Variants in SLC71A1 observed in about 807,000 individuals in gnomAD.
The protein encoded by SLC71A1 is solute carrier family 71 member 1.
chr1:100,069,404 T>C, the SLC71A1 span, among the ~76,000 whole-genome samples: 1,086 of 152,358 alleles, frequency 7.1e-3, 12 homozygotes, highest in African/African-American at 0.025. Context: ...CAATTTAGTA[T>C]ATCCACATTG....
the SLC71A1 span, among the ~76,000 whole-genome samples, chr1:100,044,884 C>T: frequency 1.3e-5 from 2 of 152,158 alleles, no homozygotes; most frequent in Non-Finnish European, 2.9e-5. Context: ...TATACCAGTA[C>T]CATGCGGTTT....
the SLC71A1 span, chr1:100,067,869 G>T: frequency 1.2e-6 from 1 of 823,706 alleles, no homozygotes; most frequent in East Asian, 2.5e-5. Context: ...AGAAAAGGGA[G>T]GGTGTGCAAC....
At chr1:100,049,196 A>T in the SLC71A1 span, among the ~76,000 whole-genome samples, 1 of 152,132 alleles carries the variant, frequency 6.6e-6, no homozygotes, top group East Asian at 1.9e-4. Flanking sequence ...GTATAAACTT[A>T]ATTTTGTATT....
the SLC71A1 span, among the ~76,000 whole-genome samples, chr1:100,039,323 G>A: frequency 4.6e-5 from 7 of 152,076 alleles, no homozygotes; most frequent in East Asian, 1.9e-4. Flanking sequence ...TATTGGAGCC[G>A]CGATCAACTG....
the SLC71A1 span, chr1:100,080,752 C>T: frequency 9.2e-7 from 1 of 1,082,906 alleles, no homozygotes; most frequent in South Asian, 1.7e-5. Flanking sequence ...ATGTGAGATT[C>T]TATTTGAGAT....
chr1:100,067,933 A>G, the SLC71A1 span: 1 of 1,534,760 alleles, frequency 6.5e-7, no homozygotes, highest in Admixed American at 1.7e-5. Context: ...TGTTGAGGAA[A>G]AAAGTAGCCT....
chr1:100,040,893 C>T, the SLC71A1 span, among the ~76,000 whole-genome samples: 1 of 152,086 alleles, frequency 6.6e-6, no homozygotes, highest in South Asian at 2.1e-4. Context: ...TTATAAAGTT[C>T]CGCCAATGGG....
the SLC71A1 span, among the ~76,000 whole-genome samples, chr1:100,081,677 G>A: frequency 2.0e-5 from 3 of 152,140 alleles, no homozygotes; most frequent in African/African-American, 7.2e-5. Flanking sequence ...CGTGCAGCCT[G>A]ATTTTATTTT....
chr1:100,055,777 G>A, the SLC71A1 span, among the ~76,000 whole-genome samples: 2 of 151,486 alleles, frequency 1.3e-5, no homozygotes, highest in Non-Finnish European at 2.9e-5. Context: ...TTTTTGAGAC[G>A]GAGTCTTGCT....
At chr1:100,055,981 G>A in the SLC71A1 span, among the ~76,000 whole-genome samples, 4 of 151,998 alleles carry the variant, frequency 2.6e-5, no homozygotes, top group Non-Finnish European at 5.9e-5. Flanking sequence ...TCAATCTCTT[G>A]ACCTTGTGCT....
chr1:100,057,329 C>T, the SLC71A1 span, among the ~76,000 whole-genome samples: 7 of 149,788 alleles, frequency 4.7e-5, no homozygotes, highest in South Asian at 4.3e-4. Flanking sequence ...ATACAGTCTG[C>T]GACTGTTTTT....
the SLC71A1 span, among the ~76,000 whole-genome samples, chr1:100,039,211 G>A: frequency 6.6e-6 from 1 of 152,130 alleles, no homozygotes; most frequent in Non-Finnish European, 1.5e-5. Flanking sequence ...TGTTGCATCC[G>A]CTGATACCGC....
At chr1:100,061,978 A>G in the SLC71A1 span, 1 of 1,278,210 alleles carries the variant, frequency 7.8e-7, no homozygotes, top group Non-Finnish European at 1.1e-6. Context: ...TACCTTTTGT[A>G]TCTGCTGAGA....
the SLC71A1 span, among the ~76,000 whole-genome samples, chr1:100,063,415 G>A: frequency 6.6e-6 from 1 of 152,152 alleles, no homozygotes; most frequent in African/African-American, 2.4e-5. Context: ...AAGGCAGGGG[G>A]ATTGCTTGAG....
At chr1:100,083,327 A>AAAT in the SLC71A1 span, 1 of 152,548 alleles carries the variant, frequency 6.6e-6, no homozygotes, top group South Asian at 2.1e-4. Context: ...AAAGAAATGT[A>AAAT]AATATTCTGT....
chr1:100,052,837 G>A, the SLC71A1 span, among the ~76,000 whole-genome samples: 44 of 151,376 alleles, frequency 2.9e-4, no homozygotes, highest in Non-Finnish European at 5.9e-4. Flanking sequence ...AGGCTGGAGT[G>A]CAGTGGTGCA....
the SLC71A1 span, chr1:100,059,802 A>G: frequency 1.5e-6 from 2 of 1,316,008 alleles, no homozygotes; most frequent in African/African-American, 1.5e-5. Flanking sequence ...AAATTTTTCT[A>G]TAGGAGTAAA....
At chr1:100,070,148 A>G in the SLC71A1 span, among the ~76,000 whole-genome samples, 4 of 152,206 alleles carry the variant, frequency 2.6e-5, no homozygotes, top group Non-Finnish European at 5.9e-5. Flanking sequence ...AGAAAAAGCT[A>G]AGGGTCATAT....
the SLC71A1 span, among the ~76,000 whole-genome samples, chr1:100,047,515 C>T: frequency 3.9e-5 from 6 of 152,314 alleles, no homozygotes; most frequent in Admixed American, 2.0e-4. Context: ...TTCCGCCTCC[C>T]GCGTTCAAGC....
Sources: allele counts gnomAD v4.1 joint callset (sites outside exome capture counted in the v4.1 genomes callset), GRCh38; gene constraint gnomAD v4.1.1; transcripts MANE v1.5; gene names NCBI Gene and HGNC (gene_info 2026-07-23, HGNC 2026-07-21).